Variants in GTPBP6 observed in about 807,000 individuals in gnomAD.
GTPBP6 encodes GTP binding protein 6.
GTPBP6 carries 33 observed loss-of-function variants against 28.9 expected under a neutral mutation model. The ratio of observed to expected loss-of-function variants is 1.14; its 90% confidence interval spans 0.87 to 1.53. GTPBP6 has a LOEUF of 1.53. Among genes scored for constraint, GTPBP6 ranks in the 40% most tolerant of loss-of-function variants. GTPBP6 has a pLI of 0.00. For synonymous variants in GTPBP6, 231 were observed against 192.7 expected, an observed-to-expected ratio of 1.20 and a Z score of -1.65; for missense variants, 507 against 408.3, an observed-to-expected ratio of 1.24 and a Z score of -2.08.
intron 1 of GTPBP6, among the ~76,000 whole-genome samples, chrX:317,910 C>T (rs1439859594): frequency 6.7e-6 from 1 of 149,596 alleles, no homozygotes; most frequent in African/African-American, 2.5e-5. Flanking sequence ...GAACCCCACC[C>T]ATGCACCTCC....
exon 4 of GTPBP6, chrX:314,981 G>C (rs1474764957): frequency 5.0e-6 from 2 of 398,584 alleles, no homozygotes; most frequent in Non-Finnish European, 8.8e-6. Flanking sequence ...ACCGTGAAGC[G>C]GTCAAACACC....
intron 9 of GTPBP6, among the ~76,000 whole-genome samples, chrX:305,825 C>T (rs1275410830): frequency 6.6e-6 from 1 of 151,878 alleles, no homozygotes; most frequent in Non-Finnish European, 1.5e-5. Context: ...GGGGTTTCAC[C>T]GTGTTAGCCA....
rs760723969 is a variant in GTPBP6, at chrX:309,071, G to A, written c.1126-1191C>T. On this transcript the variant is annotated intron_variant, in intron 7 of 9. Coordinates refer to ENST00000326153, the Ensembl canonical transcript of GTPBP6. The stretch of plus-strand genomic sequence containing the variant: ...GTCGAAAGCGGAGTCCAGGCTCCGG[G>A]CGGGGTTCAGTCCCATCTCCTCAAG... 3.9e-5 allele frequency among the ~76,000 whole-genome samples: 6 copies of A among 152,256 alleles called. No homozygotes were observed. The East Asian group carries it at 1.2e-3, about 29-fold the overall frequency.
intron 1 of GTPBP6, among the ~76,000 whole-genome samples, chrX:317,569 T>TGGGGGTGGGGGTGGGGGGTGGGGG (rs1187572118): frequency 8.5e-6 from 1 of 117,546 alleles, no homozygotes; most frequent in Non-Finnish European, 1.8e-5. Flanking sequence ...GGGTGGGGGG[T>TGGGGGTGGGGGTGGGGGGTGGGGG]GGGACTAGAC....
At chrX:307,553 G>T in intron 8 of GTPBP6, 41 bp from the exon 9 acceptor site, 1 of 1,601,092 alleles carries the variant, frequency 6.2e-7, no homozygotes, top group Non-Finnish European at 8.5e-7. Context: ...TCAGCGTCGG[G>T]GCGGCCGGAC....
Position 314,512 on chromosome X carries a change from A to G in GTPBP6, c.690-295T>C, listed in dbSNP as rs9635646. Among the ~76,000 whole-genome samples the G allele has an allele frequency of 6.2e-3, 929 of 149,118 alleles. 10 individuals carry two copies. Among genetic ancestry groups the G allele is most frequent in the African/African-American group, 0.02 (809 of 40,316 alleles). On this transcript the variant is annotated intron_variant, in intron 4 of 9. Coordinates refer to ENST00000326153, the Ensembl canonical transcript of GTPBP6. ...TTTTTAGACGGAGTCTCGCTCTGTC[A>G]CCCAGGCTGGAGTGCAGTGGCGTGA...
intron 2 of GTPBP6, among the ~76,000 whole-genome samples, chrX:316,537 T>C (rs1260508259): frequency 6.6e-6 from 1 of 152,126 alleles, no homozygotes; most frequent in Non-Finnish European, 1.5e-5. Flanking sequence ...AAGGATCGCA[T>C]GCTGGACCCC....
At chrX:312,859 A>C (rs200493798) in exon 6 of GTPBP6, 246 of 1,612,730 alleles carry the variant, frequency 1.5e-4, no homozygotes, top group Non-Finnish European at 1.9e-4. Flanking sequence ...AGCCTGTCCA[A>C]GGCCTTCCTG....
chrX:311,491 G>A (rs778919149), exon 7 of GTPBP6: 15 of 1,610,468 alleles, frequency 9.3e-6, no homozygotes, highest in East Asian at 4.5e-5. Context: ...AGAGGAAGCC[G>A]ATGGTGTCCA....
chrX:305,187 T>TA lies in GTPBP6; in HGVS notation c.1437dup (p.Lys480Ter). On this transcript the variant is annotated frameshift_variant, in exon 10 of 10. Coordinates refer to ENST00000326153, the Ensembl canonical transcript of GTPBP6. LOFTEE classifies it high-confidence loss of function. ...TCCACCTCCTGAACTGTGGCCTCCT[T>TA]ATACAGCCAGCTGGGCACAGATGCG... 6.2e-7 allele frequency: 1 copy of TA among 1,613,416 alleles called. No individual in the cohort carries two copies. Among genetic ancestry groups the TA allele is most frequent in the African/African-American group, 1.3e-5 (1 of 75,012 alleles).
chrX:312,228 G>C lies in GTPBP6; in HGVS notation c.916+538C>G, dbSNP rs1168286076. The C allele has an allele frequency of 7.6e-6, 3 of 396,908 alleles. No individual in the cohort carries two copies. In the African/African-American group the frequency reaches 7.6e-5, roughly 10 times the overall value. 24.6% of individuals were successfully genotyped at this position (396,908 alleles called of 1,614,324 possible). A position where few individuals can be genotyped will look rare whatever the true frequency, so the allele number is the denominator to read the frequency against. On this transcript the variant is annotated intron_variant, in intron 6 of 9. Transcript: ENST00000326153. Reference sequence around the variant, plus strand: ...TGTAGACGGGGTGGTGGTATAGCTGGGGCAGTGGTGCCAGTGTAGACAGGA... The same window carrying C: ...TGTAGACGGGGTGGTGGTATAGCTGCGGCAGTGGTGCCAGTGTAGACAGGA...
At chrX:309,019 C>G (rs1457417105) in intron 7 of GTPBP6, among the ~76,000 whole-genome samples, 2 of 152,164 alleles carry the variant, frequency 1.3e-5, no homozygotes, top group African/African-American at 4.8e-5. Context: ...GCCACCACAC[C>G]CGGTCCATAA....
rs1311907691 is a variant in GTPBP6 at position 316,254 on chromosome X, G to GAC, written c.487+658_487+659dup. Reference sequence around the variant, plus strand: ...AGGGACACAAACACATACACACGCAGACACACACACAGACACACACACAGT... The same window carrying GAC: ...AGGGACACAAACACATACACACGCAGACACACACACACAGACACACACACAGT... On this transcript the variant is annotated intron_variant, in intron 2 of 9. Coordinates refer to ENST00000326153, the Ensembl canonical transcript of GTPBP6. Among the ~76,000 whole-genome samples the GAC allele has an allele frequency of 2.0e-4, 3 of 15,002 alleles. 1 individual carries two copies. The highest frequency in any genetic ancestry group is 3.4e-4 in the Non-Finnish European group (2 of 5,940). 9.8% of individuals were successfully genotyped at this position (15,002 alleles called of 152,430 possible).
At chrX:315,292 G>C (rs1376588337) in exon 3 of GTPBP6, 3 of 398,380 alleles carry the variant, frequency 7.5e-6, no homozygotes, top group African/African-American at 4.1e-5. Flanking sequence ...GAGACCCTCG[G>C]ATCTTTTCTA....
chrX:317,396 G>C (rs1490475127), intron 1 of GTPBP6, among the ~76,000 whole-genome samples: 1 of 152,080 alleles, frequency 6.6e-6, no homozygotes, highest in Non-Finnish European at 1.5e-5. Context: ...TCTGCGCGCT[G>C]TTCTGAGCAG....
chrX:318,037 C>A (rs2070473035), intron 1 of GTPBP6, among the ~76,000 whole-genome samples: 1 of 143,372 alleles, frequency 7.0e-6, no homozygotes, highest in Admixed American at 6.9e-5. Context: ...AGACCCTCTC[C>A]TTAGAGCCTG....
In GTPBP6 at chrX:315,314, G is replaced by A; in HGVS notation, c.488-15C>T. On this transcript the variant is annotated splice_polypyrimidine_tract_variant and intron_variant, in intron 2 of 9. Coordinates refer to ENST00000326153, the Ensembl canonical transcript of GTPBP6. ...TCGGATCTTTTCTAACAGAAAGAGG[G>A]GGTCCCGTCAGAGGCTGGCCGTCCA... The A allele has an allele frequency of 2.5e-6, 1 of 398,504 alleles. No homozygotes were observed. Among genetic ancestry groups the A allele is most frequent in the Middle Eastern group, 6.3e-4 (1 of 1,588 alleles). The allele number at this position is 398,504 out of a possible 1,614,324, so 24.7% of individuals were successfully genotyped here.
Position 307,798 on chromosome X carries a change from A to C in GTPBP6, c.1208T>G (p.Leu403Arg), listed in dbSNP as rs766498078. Residue 403 changes from leucine (L) to arginine (R), a missense_variant, in exon 8 of 10, where the codon CTG becomes CGG. Physicochemically the swap from Leu to Arg is moderately radical, Grantham distance 102. Transcript: ENST00000326153. The stretch of plus-strand genomic sequence containing the variant: ...GTCCAGGAGCGGGGCGGGCAGCTGC[A>C]GGCCACGCAGCGTGGACAGAACGCT... 3 of 1,548,480 alleles carry C rather than the reference A, an allele frequency of 1.9e-6. No homozygotes were observed. In the South Asian group the frequency reaches 3.6e-5, roughly 19 times the overall value.
At chrX:310,368 C>T (rs2070260513) in intron 7 of GTPBP6, among the ~76,000 whole-genome samples, 1 of 132,662 alleles carries the variant, frequency 7.5e-6, no homozygotes, top group Non-Finnish European at 1.5e-5. Context: ...CTGGAGCCCC[C>T]AGGAGCTGGG....
Sources: gnomAD v4.1 joint callset for allele counts (sites outside exome capture counted in the v4.1 genomes callset) on GRCh38, gnomAD v4.1.1 for gene constraint, MANE v1.5 for transcripts, NCBI Gene and HGNC (gene_info 2026-07-23, HGNC 2026-07-21) for gene names.